ANKS1B: variants seen among roughly 807,000 people sequenced by gnomAD.
The protein encoded by ANKS1B is ankyrin repeat and sterile alpha motif domain containing 1B.
ANKS1B carries 36 observed loss-of-function variants against 148.3 expected under a neutral mutation model. The ratio of observed to expected loss-of-function variants is 0.24; its 90% CI spans 0.19 to 0.32. ANKS1B has a LOEUF of 0.32. ANKS1B is among the 10% of genes least tolerant of loss of function. The probability of loss-of-function intolerance (pLI) is 1.00; values close to 1 mark genes in which losing one functional copy is unlikely to be tolerated. For missense variants in ANKS1B, 1,157 were observed against 1,542.6 expected (o/e 0.75, Z 4.19); for synonymous variants, 542 against 560.8 (o/e 0.97, Z 0.47).
At chr12:98,878,150 C>T (rs1414210492) in intron 17 of ANKS1B, among the ~76,000 whole-genome samples, 1 of 119,542 alleles carries the variant, frequency 8.4e-6, no homozygotes, top group African/African-American at 2.7e-5. Flanking sequence ...TTGCTCTCTA[C>T]ATTTTCTAAT....
intron 4 of ANKS1B, among the ~76,000 whole-genome samples, chr12:99,792,673 A>T (rs555345859): frequency 2.6e-5 from 4 of 151,056 alleles, no homozygotes; most frequent in East Asian, 1.9e-4. Flanking sequence ...TTCCTGTTTT[A>T]AAAAAAAATA....
chr12:98,864,412 C>T (rs577013341), intron 17 of ANKS1B, among the ~76,000 whole-genome samples: 1 of 152,246 alleles, frequency 6.6e-6, no homozygotes, highest in South Asian at 2.1e-4. Context: ...ATCACAGTGC[C>T]CAGATATGTG....
At chr12:98,991,370 T>C (rs747203091) in intron 17 of ANKS1B, among the ~76,000 whole-genome samples, 1 of 152,232 alleles carries the variant, frequency 6.6e-6, no homozygotes, top group Non-Finnish European at 1.5e-5. Context: ...TTATTTCAGA[T>C]ATATAATGGC....
chr12:99,172,343 C>A (rs1025240298), intron 14 of ANKS1B, among the ~76,000 whole-genome samples: 1 of 152,062 alleles, frequency 6.6e-6, no homozygotes, highest in Non-Finnish European at 1.5e-5. Context: ...GCACAAACAT[C>A]CCCTGGAGGA....
rs190817938 is a variant in ANKS1B at position 98,995,135 on chromosome 12, T to C, written c.2778+58022A>G. Among the ~76,000 whole-genome samples the C allele has an allele frequency of 2.0e-5, 3 of 152,356 alleles. No individual in the cohort carries two copies. The East Asian group carries it at 5.8e-4, about 29-fold the overall frequency. The stretch of plus-strand genomic sequence containing the variant: ...AGTAAAATGTCTGATTTATCTAATA[T>C]TTTTAATAATGCTATAACCTTTACT... On this transcript the variant is annotated intron_variant, in intron 17 of 26. Transcript: ENST00000683438.
chr12:98,752,214 G>A (rs2098112120), intron 25 of ANKS1B, among the ~76,000 whole-genome samples: 1 of 151,816 alleles, frequency 6.6e-6, no homozygotes. Context: ...ACCACCTTGG[G>A]CACATGGTCT....
chr12:99,338,386 T>C (rs1209590369), intron 12 of ANKS1B, among the ~76,000 whole-genome samples: 2 of 152,072 alleles, frequency 1.3e-5, no homozygotes, highest in African/African-American at 4.8e-5. Context: ...TAGCTTGTGG[T>C]GAATGCTGCC....
intron 10 of ANKS1B, among the ~76,000 whole-genome samples, chr12:99,474,034 G>A (rs1053185634): frequency 6.6e-6 from 1 of 151,882 alleles, no homozygotes; most frequent in Non-Finnish European, 1.5e-5. Context: ...ATTTTTGGTG[G>A]CTGAAATATC....
chr12:99,576,329 G>C (rs2097519658), intron 9 of ANKS1B, among the ~76,000 whole-genome samples: 1 of 151,740 alleles, frequency 6.6e-6, no homozygotes, highest in South Asian at 2.1e-4. Flanking sequence ...CTAGATCATT[G>C]AGACAAAAAA....
intron 16 of ANKS1B, among the ~76,000 whole-genome samples, chr12:99,076,368 A>G (rs1235403786): frequency 2.6e-5 from 4 of 152,228 alleles, no homozygotes; most frequent in Non-Finnish European, 4.4e-5. Context: ...TATAAAATAG[A>G]CTAAGTATAA....
At chr12:99,452,962 G>C (rs571631815) in intron 10 of ANKS1B, among the ~76,000 whole-genome samples, 1 of 152,280 alleles carries the variant, frequency 6.6e-6, no homozygotes, top group East Asian at 1.9e-4. Flanking sequence ...TTGTCCCCTA[G>C]GGTGTGAGTT....
In ANKS1B at chr12:98,842,654, T is replaced by C. The variant is rs138793498; in HGVS notation, c.2779-10518A>G. 1.6e-3 allele frequency among the ~76,000 whole-genome samples: 239 copies of C among 152,290 alleles called. 1 individual carries two copies. The highest frequency in any genetic ancestry group is 5.3e-3 in the African/African-American group (221 of 41,560). On this transcript the variant is annotated intron_variant, in intron 17 of 26. Coordinates refer to ENST00000683438, the MANE Select transcript of ANKS1B (RefSeq NM_001352186.2). ...CATTCAGTATGCAGTATCGTATAAA[T>C]AAGGCCATTCCTGAAGGCTGTAATC... is the stretch of plus-strand genomic sequence containing the variant.
intron 12 of ANKS1B, among the ~76,000 whole-genome samples, chr12:99,368,721 GA>G (rs1003463450): frequency 2.6e-5 from 4 of 151,832 alleles, no homozygotes; most frequent in African/African-American, 9.7e-5. Flanking sequence ...AAACGGAAAA[GA>G]AAAAAGAATA....
intron 17 of ANKS1B, among the ~76,000 whole-genome samples, chr12:98,868,981 C>A (rs1005688701): frequency 6.6e-6 from 1 of 152,108 alleles, no homozygotes; most frequent in African/African-American, 2.4e-5. Context: ...AAAAAAACCA[C>A]GAAGGATCTG....
intron 14 of ANKS1B, among the ~76,000 whole-genome samples, chr12:99,160,502 C>A (rs2076543467): frequency 1.6e-5 from 1 of 62,852 alleles, no homozygotes; most frequent in Non-Finnish European, 2.7e-5. Context: ...CCACACCAGG[C>A]TATTTTTTTT....
chr12:99,973,023 T>C (rs1173349385), intron 1 of ANKS1B, among the ~76,000 whole-genome samples: 1 of 152,196 alleles, frequency 6.6e-6, no homozygotes, highest in Non-Finnish European at 1.5e-5. Flanking sequence ...TTACTGAATA[T>C]TTTAAGCCCA....
intron 1 of ANKS1B, among the ~76,000 whole-genome samples, chr12:99,892,500 T>C (rs188567342): frequency 1.3e-5 from 2 of 152,232 alleles, no homozygotes; most frequent in East Asian, 1.9e-4. Context: ...ATGAACCAAC[T>C]TGAGAAACCT....
intron 17 of ANKS1B, among the ~76,000 whole-genome samples, chr12:98,914,122 G>A (rs780990428): frequency 8.6e-5 from 13 of 152,030 alleles, no homozygotes; most frequent in African/African-American, 2.7e-4. Context: ...TCATGGCGGC[G>A]GATCCCTTAT....
At chr12:99,549,515 C>T (rs1022526816) in intron 9 of ANKS1B, among the ~76,000 whole-genome samples, 1 of 152,182 alleles carries the variant, frequency 6.6e-6, no homozygotes, top group Non-Finnish European at 1.5e-5. Flanking sequence ...TTCTCTCCCT[C>T]ACTCTTTTCT....
Sources: gnomAD v4.1 joint callset for allele counts (sites outside exome capture counted in the v4.1 genomes callset) on GRCh38, gnomAD v4.1.1 for gene constraint, MANE v1.5 for transcripts, NCBI Gene and HGNC (gene_info 2026-07-23, HGNC 2026-07-21) for gene names.